Variants in OXNAD1 observed in about 807,000 individuals in gnomAD.
The protein encoded by OXNAD1 is oxidoreductase NAD binding domain containing 1.
In OXNAD1, 34 loss-of-function variants were observed where a neutral mutation model predicts 32.9. The ratio of observed to expected loss-of-function variants is 1.03; its 90% CI spans 0.79 to 1.38. The LOEUF is 1.38. OXNAD1 is among the 40% of genes most tolerant of loss of function. The probability of loss-of-function intolerance (pLI) is 0.00; values close to 1 mark genes in which losing one functional copy is unlikely to be tolerated. For missense variants in OXNAD1, 407 were observed against 379.4 expected (o/e 1.07, Z -0.60); for synonymous variants, 134 against 135.2 (o/e 0.99, Z 0.06).
rs2069174969 is a variant in OXNAD1, at chr3:16,322,450, G to A, written c.*31-14662G>A. 6.6e-6 allele frequency among the ~76,000 whole-genome samples: 1 copy of A among 152,216 alleles called. No homozygotes were observed. The highest frequency in any genetic ancestry group is 1.5e-5 in the Non-Finnish European group (1 of 68,034). On this transcript the variant is annotated intron_variant, in intron 9 of 9. Coordinates refer to the OXNAD1 transcript ENST00000435829. This position sits in a 1 kb window ranked among gnomAD's most constrained non-coding sequence, Gnocchi z 6.2. Reference sequence around the variant, plus strand: ...CAAGCGTGAGGAATGCAGGAGTGATGCCAGGAGTGAGGAGCCGAGCAGGTC... The same window carrying A: ...CAAGCGTGAGGAATGCAGGAGTGATACCAGGAGTGAGGAGCCGAGCAGGTC...
rs2068069281 is a variant in OXNAD1 at position 16,312,928 on chromosome 3, TATAA to T, written c.*30+9340_*30+9343del. Among the ~76,000 whole-genome samples, 2 of 152,176 alleles carry T rather than the reference TATAA, an allele frequency of 1.3e-5. No homozygotes were observed. The highest frequency in any genetic ancestry group is 2.1e-4 in the South Asian group (1 of 4,834). On this transcript the variant is annotated intron_variant, in intron 9 of 9. Transcript: ENST00000435829. The surrounding 1 kb of genome is among the most constrained non-coding windows in gnomAD (Gnocchi z 4.7). ...ACCATTGATAAATAATTTAAGACTT[TATAA>T]ATATTATTACAGTATTTCTGTTAAG...
At position 16,316,866 on chromosome 3, in the gene OXNAD1, C is replaced by T. The variant is rs1238485461; in HGVS notation, c.*30+13274C>T. 3 of 1,614,194 alleles carry T rather than the reference C, an allele frequency of 1.9e-6. No homozygotes were observed. The highest frequency in any genetic ancestry group is 2.5e-6 in the Non-Finnish European group (3 of 1,180,034). On this transcript the variant is annotated intron_variant, in intron 9 of 9. Coordinates refer to the OXNAD1 transcript ENST00000435829. The surrounding 1 kb of genome is among the most constrained non-coding windows in gnomAD (Gnocchi z 4.5). Reference sequence around the variant, plus strand: ...ACCGTACCAAGCTCTCTGACTTCCTCAGCATCCCCGTCCCTGGCATCCTCT... The same window carrying T: ...ACCGTACCAAGCTCTCTGACTTCCTTAGCATCCCCGTCCCTGGCATCCTCT...
At chr3:16,279,933 A>G (rs2065626659) in intron 4 of OXNAD1, among the ~76,000 whole-genome samples, 1 of 152,202 alleles carries the variant, frequency 6.6e-6, no homozygotes, top group Non-Finnish European at 1.5e-5. Flanking sequence ...TGAAAGCTGG[A>G]TTAAAGGAGA....
Position 16,320,712 on chromosome 3 carries a change from T to C in OXNAD1, c.*31-16400T>C, listed in dbSNP as rs952481701. On this transcript the variant is annotated intron_variant, in intron 9 of 9. Transcript: ENST00000435829. This position sits in a 1 kb window ranked among gnomAD's most constrained non-coding sequence, Gnocchi z 4.5. ...AGTAGAGCTAGAAAGGAGGAGAATG[T>C]CCTTGGCAGAGGGGACACGGAAGAA... 6.6e-6 allele frequency among the ~76,000 whole-genome samples: 1 copy of C among 152,138 alleles called. No individual in the cohort carries two copies. Among genetic ancestry groups the C allele is most frequent in the African/African-American group, 2.4e-5 (1 of 41,420 alleles).
At position 16,327,086 on chromosome 3, in the gene OXNAD1, G is replaced by C. The variant is rs2069780901; in HGVS notation, c.*31-10026G>C. Among the ~76,000 whole-genome samples the C allele has an allele frequency of 6.6e-6, 1 of 152,208 alleles. No individual in the cohort carries two copies. The highest frequency in any genetic ancestry group is 2.4e-5 in the African/African-American group (1 of 41,442). ...GGATTTCCTTCTGGGCCCCATTTCA[G>C]TCTGTGATGTCAGCAAGGAATTACA... is the stretch of plus-strand genomic sequence containing the variant. On this transcript the variant is annotated intron_variant, in intron 9 of 9. Coordinates refer to the OXNAD1 transcript ENST00000435829. The surrounding 1 kb of genome is among the most constrained non-coding windows in gnomAD (Gnocchi z 4.2).
At position 16,301,506 on chromosome 3, in the gene OXNAD1, C is replaced by CTT; in HGVS notation, c.433-119_433-118insTT. The CTT allele has an allele frequency of 8.2e-7, 1 of 1,213,392 alleles. No homozygotes were observed. Among genetic ancestry groups the CTT allele is most frequent in the Non-Finnish European group, 1.1e-6 (1 of 876,720 alleles). The allele number at this position is 1,213,392 out of a possible 1,614,324, so 75.2% of individuals were successfully genotyped here. On this transcript the variant is annotated intron_variant, in intron 6 of 8. Coordinates refer to ENST00000285083, the MANE Select transcript of OXNAD1 (RefSeq NM_138381.5). The surrounding 1 kb of genome is among the most constrained non-coding windows in gnomAD (Gnocchi z 4.1). ...GGGCATCGGGAAAATTGGGAGCAAG[C>CTT]TATAAAAATAGTCTTAAATACTGAT...
chr3:16,350,968 C>T (rs1052226106), downstream of OXNAD1, among the ~76,000 whole-genome samples: 1 of 152,158 alleles, frequency 6.6e-6, no homozygotes, highest in Non-Finnish European at 1.5e-5. Flanking sequence ...AGAGTGGATT[C>T]TTAAAGAGAT....
chr3:16,276,093 A>G (rs186958086), intron 4 of OXNAD1: 221 of 161,210 alleles, frequency 1.4e-3, no homozygotes, highest in African/African-American at 3.9e-3. Flanking sequence ...AGATTGCGCT[A>G]CTGCACTCTA....
chr3:16,311,277 A>T (rs1413645524), intron 9 of OXNAD1, among the ~76,000 whole-genome samples: 2 of 14 alleles, frequency 0.14, no homozygotes, highest in Non-Finnish European at 0.17. Flanking sequence ...CACTGCAACT[A>T]TCTGCCTCCC....
At chr3:16,266,602 CAAAAAAAAAAAAA>C (rs77883979) in intron 1 of OXNAD1, among the ~76,000 whole-genome samples, 1 of 73,086 alleles carries the variant, frequency 1.4e-5, no homozygotes, top group Non-Finnish European at 2.5e-5. Flanking sequence ...GACGCTGTCT[CAAAAAAAAAAAAA>C]AAAAAAAAAA....
rs537976175 is a variant in OXNAD1, at chr3:16,343,882, C to A, written c.*31-5294C>A. On this transcript the variant is annotated intron_variant, in intron 9 of 9. Coordinates refer to the OXNAD1 transcript ENST00000606098. ...TTTCAAAAGGAGGGGAGAGCAAAGC[C>A]AGCTGATAGTCTTATAGATGGCCCC... Among the ~76,000 whole-genome samples, 8 of 152,302 alleles carry A rather than the reference C, an allele frequency of 5.3e-5. No homozygotes were observed. In the South Asian group the frequency reaches 1.7e-3, roughly 32 times the overall value.
chr3:16,301,690 C>T lies in OXNAD1; in HGVS notation c.497C>T (p.Ala166Val), dbSNP rs191814958. Residue 166 changes from alanine to valine, a missense_variant, in exon 7 of 9, where the codon GCG (alanine) becomes GTG (valine). Coordinates refer to ENST00000285083, the MANE Select transcript of OXNAD1 (RefSeq NM_138381.5). The surrounding 1 kb of genome is among the most constrained non-coding windows in gnomAD (Gnocchi z 4.1). ...GGEFFFDPQP[A>V]DASRNLVLIA... ...GAGTTCTTCTTTGACCCTCAGCCTG[C>T]GGATGCCTCTAGAAACCTCGTGTTG... 19 of 1,613,962 alleles carry T rather than the reference C, an allele frequency of 1.2e-5. No homozygotes were observed. Among genetic ancestry groups the T allele is most frequent in the African/African-American group, 1.1e-4 (8 of 75,028 alleles).
downstream of OXNAD1, among the ~76,000 whole-genome samples, chr3:16,338,530 G>A (rs77908924): frequency 2.0e-5 from 3 of 152,320 alleles, no homozygotes; most frequent in East Asian, 5.8e-4. The surrounding 1 kb of genome is among the most constrained non-coding windows in gnomAD (Gnocchi z 5.3). Flanking sequence ...TCAGGGTGAG[G>A]GGGTCCTCCC....
chr3:16,345,813 T>TGC lies in OXNAD1; in HGVS notation c.*31-3362_*31-3361insCG, dbSNP rs2071638069. On this transcript the variant is annotated intron_variant, in intron 9 of 9. Transcript: ENST00000606098. This position sits in a 1 kb window ranked among gnomAD's most constrained non-coding sequence, Gnocchi z 5.2. The stretch of plus-strand genomic sequence containing the variant: ...CTGTGTGTGTGTGTGTGTGTGTGTG[T>TGC]GTGTGCGCGCGCGCGTGCGCGCACG... Among the ~76,000 whole-genome samples the TGC allele has an allele frequency of 1.2e-5, 1 of 84,690 alleles. No homozygotes were observed. Among genetic ancestry groups the TGC allele is most frequent in the Non-Finnish European group, 2.2e-5 (1 of 44,662 alleles). The allele number at this position is 84,690 out of a possible 152,430, so 55.6% of individuals were successfully genotyped here.
Position 16,320,262 on chromosome 3 carries a change from C to T in OXNAD1, c.*30+16670C>T. Among the ~76,000 whole-genome samples the T allele has an allele frequency of 6.6e-6, 1 of 152,204 alleles. No individual in the cohort carries two copies. The highest frequency in any genetic ancestry group is 1.9e-4 in the East Asian group (1 of 5,196). On this transcript the variant is annotated intron_variant, in intron 9 of 9. Coordinates refer to the OXNAD1 transcript ENST00000435829. This position sits in a 1 kb window ranked among gnomAD's most constrained non-coding sequence, Gnocchi z 4.5. ...ATATTTGCCTTGAAAATCACACGCA[C>T]GTACACAGAGGTTTCTTTCCAATGC...
chr3:16,267,290 C>G (rs1403206312), intron 1 of OXNAD1, among the ~76,000 whole-genome samples: 1 of 152,288 alleles, frequency 6.6e-6, no homozygotes, highest in South Asian at 2.1e-4. Context: ...CTGCCCCTCT[C>G]CCTCTGTTAT....
At chr3:16,337,394 T>C (rs958752790), downstream of OXNAD1, 1 of 152,168 alleles carries the variant, frequency 6.6e-6, no homozygotes, top group Admixed American at 6.5e-5. This position sits in a 1 kb window ranked among gnomAD's most constrained non-coding sequence, Gnocchi z 5.0. Flanking sequence ...TTACTATTAT[T>C]CTAAGAACCA....
chr3:16,324,218 A>C (rs1053517430), intron 9 of OXNAD1, among the ~76,000 whole-genome samples: 1 of 152,194 alleles, frequency 6.6e-6, no homozygotes, highest in African/African-American at 2.4e-5. Context: ...ATATGTTTAC[A>C]ATGTGGACTG....
At chr3:16,328,406 G>A (rs1358902951) in intron 9 of OXNAD1, among the ~76,000 whole-genome samples, 1 of 152,230 alleles carries the variant, frequency 6.6e-6, no homozygotes, top group African/African-American at 2.4e-5. Context: ...CAGCTCATCT[G>A]GATGCCCTGG....
Sources: allele counts gnomAD v4.1 joint callset (sites outside exome capture counted in the v4.1 genomes callset), GRCh38; gene constraint gnomAD v4.1.1; non-coding constraint Gnocchi (gnomAD v3.1); transcripts MANE v1.5; gene names NCBI Gene and HGNC (gene_info 2026-07-23, HGNC 2026-07-21).